MAGI2: variants seen among roughly 807,000 people sequenced by gnomAD.
MAGI2 encodes the protein membrane-associated guanylate kinase, WW and PDZ domain-containing protein 2.
Under a neutral mutation model 133.3 loss-of-function variants are expected in MAGI2, and 35 were observed. That is an observed-to-expected ratio of 0.26 (90% CI 0.20 to 0.35). MAGI2 has a LOEUF of 0.35. MAGI2 is among the 10% of genes least tolerant of loss of function. MAGI2 has a pLI of 1.00. For synonymous variants in MAGI2, 729 were observed against 710.6 expected (o/e 1.03, Z -0.41); for missense variants, 1,636 against 1,863.4 (o/e 0.88, Z 2.25).
At chr7:79,281,461 T>C (rs1402459305) in intron 1 of MAGI2, among the ~76,000 whole-genome samples, 2 of 152,098 alleles carry the variant, frequency 1.3e-5, no homozygotes, top group African/African-American at 4.8e-5. Flanking sequence ...TCTTTATGTT[T>C]TTCATACAGT....
intron 1 of MAGI2, among the ~76,000 whole-genome samples, chr7:79,059,047 G>C (rs934639032): frequency 6.6e-5 from 10 of 152,140 alleles, no homozygotes; most frequent in Admixed American, 1.3e-4. Context: ...AAGCAATAAA[G>C]AGTAAAATAA....
intron 2 of MAGI2, among the ~76,000 whole-genome samples, chr7:78,676,946 T>A (rs1815106229): frequency 2.0e-5 from 3 of 152,260 alleles, no homozygotes; most frequent in South Asian, 4.1e-4. Flanking sequence ...GTAGTACTCA[T>A]GACAGGGGAT....
chr7:78,752,349 T>A (rs574011071), intron 2 of MAGI2, among the ~76,000 whole-genome samples: 1 of 152,170 alleles, frequency 6.6e-6, no homozygotes. Context: ...ATGCCTGTAA[T>A]CCCAGCACTT....
chr7:78,606,896 CA>C (rs1358503449), intron 3 of MAGI2, among the ~76,000 whole-genome samples: 2 of 151,856 alleles, frequency 1.3e-5, no homozygotes, highest in African/African-American at 2.4e-5. Flanking sequence ...TTTCTTCCAT[CA>C]AAAAAAGACC....
intron 1 of MAGI2, among the ~76,000 whole-genome samples, chr7:79,334,778 A>T (rs926012479): frequency 2.6e-5 from 4 of 152,186 alleles, no homozygotes; most frequent in East Asian, 3.9e-4. Flanking sequence ...GTAATTGATA[A>T]AGTGTAATGA....
intron 14 of MAGI2, 142 bp from the exon 15 acceptor site, chr7:78,168,250 G>A: frequency 1.6e-6 from 1 of 644,960 alleles, no homozygotes; most frequent in Non-Finnish European, 2.6e-6. Context: ...CTGCCTCCCA[G>A]GTTCACGCCA....
chr7:78,455,796 T>C (rs1261440576), intron 6 of MAGI2, among the ~76,000 whole-genome samples: 2 of 152,152 alleles, frequency 1.3e-5, no homozygotes, highest in Non-Finnish European at 2.9e-5. Context: ...AAGAGTAATC[T>C]GTTTAATTAT....
intron 20 of MAGI2, among the ~76,000 whole-genome samples, chr7:78,086,320 C>T (rs1816636253): frequency 6.6e-6 from 1 of 150,670 alleles, no homozygotes; most frequent in African/African-American, 2.4e-5. Flanking sequence ...CCAGTGCAAC[C>T]TCCACTTCCT....
intron 2 of MAGI2, among the ~76,000 whole-genome samples, chr7:78,629,040 C>T (rs377632036): frequency 6.6e-6 from 1 of 152,084 alleles, no homozygotes; most frequent in Non-Finnish European, 1.5e-5. Flanking sequence ...CCTAGCACCA[C>T]GTGAGCACCA....
At chr7:78,350,909 T>C (rs1791441515) in intron 7 of MAGI2, among the ~76,000 whole-genome samples, 1 of 152,210 alleles carries the variant, frequency 6.6e-6, no homozygotes, top group South Asian at 2.1e-4. Context: ...CTGGGGTTTT[T>C]GGAGACAGGC....
At chr7:78,128,096 C>A (rs1160029049) in intron 18 of MAGI2, among the ~76,000 whole-genome samples, 1 of 152,004 alleles carries the variant, frequency 6.6e-6, no homozygotes, top group Non-Finnish European at 1.5e-5. Context: ...GCATCAAATA[C>A]TACTGTGGTC....
At chr7:78,193,264 A>T (rs776149411) in intron 12 of MAGI2, among the ~76,000 whole-genome samples, 76 of 152,208 alleles carry the variant, frequency 5.0e-4, no homozygotes, top group Non-Finnish European at 9.0e-4. Context: ...GGAAGAGGCA[A>T]AAAGCAGGAG....
chr7:79,040,489 G>A (rs181003827), intron 1 of MAGI2, among the ~76,000 whole-genome samples: 14 of 152,078 alleles, frequency 9.2e-5, no homozygotes, highest in African/African-American at 3.4e-4. Flanking sequence ...AGGATGAAGA[G>A]TCAGTTAATG....
chr7:79,178,610 G>A (rs1826334521), intron 1 of MAGI2, among the ~76,000 whole-genome samples: 1 of 151,594 alleles, frequency 6.6e-6, no homozygotes, highest in African/African-American at 2.4e-5. Flanking sequence ...TACTCAGGAG[G>A]CTGAGACAGG....
At chr7:79,270,382 A>T (rs1834791262) in intron 1 of MAGI2, among the ~76,000 whole-genome samples, 1 of 92,932 alleles carries the variant, frequency 1.1e-5, no homozygotes, top group Non-Finnish European at 2.9e-5. Context: ...GGGTGATTAC[A>T]TATTCACCTT....
At chr7:78,623,398 A>G (rs548880080) in intron 3 of MAGI2, among the ~76,000 whole-genome samples, 2 of 152,242 alleles carry the variant, frequency 1.3e-5, no homozygotes, top group African/African-American at 4.8e-5. Flanking sequence ...ATTATTCTGT[A>G]AAATGTATTA....
At chr7:78,989,663 A>ACCTGTTTTG (rs1805573733) in intron 2 of MAGI2, among the ~76,000 whole-genome samples, 1 of 151,922 alleles carries the variant, frequency 6.6e-6, no homozygotes. Flanking sequence ...TATAATTCCA[A>ACCTGTTTTG]CCTGTTTTGC....
At chr7:79,333,352 T>C (rs375634761) in intron 1 of MAGI2, among the ~76,000 whole-genome samples, 235 of 152,192 alleles carry the variant, frequency 1.5e-3, no homozygotes, top group African/African-American at 5.4e-3. Flanking sequence ...GGTCTCAAAC[T>C]CCTGACCTCT....
chr7:78,212,815 G>C (rs1296807652), intron 10 of MAGI2, among the ~76,000 whole-genome samples: 25 of 152,082 alleles, frequency 1.6e-4, no homozygotes, highest in Non-Finnish European at 7.4e-5. Context: ...GTAGCCAGTG[G>C]GATTACAGGC....
Sources: gnomAD v4.1 joint callset for allele counts (sites outside exome capture counted in the v4.1 genomes callset) on GRCh38, gnomAD v4.1.1 for gene constraint, MANE v1.5 for transcripts, NCBI Gene and HGNC (gene_info 2026-07-23, HGNC 2026-07-21) for gene names.